NPM2: variants seen among roughly 807,000 people sequenced by gnomAD.
The protein encoded by NPM2 is nucleophosmin/nucleoplasmin 2, also known as nucleoplasmin-2.
In NPM2, 25 loss-of-function variants were observed where a neutral mutation model predicts 32.0. The observed-to-expected ratio is 0.78, with a 90% confidence interval of 0.57 to 1.09. NPM2 has a LOEUF of 1.09. Among genes scored for constraint, NPM2 ranks in the 50% least tolerant of loss-of-function variants. NPM2 has a pLI of 0.00. For synonymous variants in NPM2, 111 were observed against 94.2 expected, an observed-to-expected ratio of 1.18 and a Z score of -1.04; for missense variants, 282 against 259.9, an observed-to-expected ratio of 1.08 and a Z score of -0.58.
rs1800163652 is a variant in NPM2, at chr8:22,024,519, C to T, written c.-245C>T. On this transcript the variant is annotated 5_prime_UTR_variant, in exon 1 of 10. Coordinates refer to ENST00000518119, the MANE Select transcript of NPM2 (RefSeq NM_001286680.2). ...TCCTGGGCCGGCATCATCAGCCTCA[C>T]CTGGGAACTGGTTAGAACTACAAAT... is the stretch of plus-strand genomic sequence containing the variant. 6.6e-6 allele frequency: 1 copy of T among 152,346 alleles called. No homozygotes were observed. The highest frequency in any genetic ancestry group is 2.4e-5 in the African/African-American group (1 of 41,470). The allele number at this position is 152,346 out of a possible 1,614,324, so 9.4% of individuals were successfully genotyped here.
chr8:22,029,714 G>A (rs186255419), intron 5 of NPM2, among the ~76,000 whole-genome samples: 28 of 152,236 alleles, frequency 1.8e-4, no homozygotes, highest in Non-Finnish European at 3.4e-4. Context: ...TCATGATTTT[G>A]CCCTCATTCC....
In NPM2 at chr8:22,029,939, A is replaced by AT. The variant is rs781577026; in HGVS notation, c.271-3183dup. ...CCATGATGTGTTCAGGTGTAGATTT[A>AT]TTTTTTTTGTCTGTTCAGGACTTAG... is the stretch of plus-strand genomic sequence containing the variant. On this transcript the variant is annotated intron_variant, in intron 5 of 9. Transcript: ENST00000518119. 1.2e-3 allele frequency among the ~76,000 whole-genome samples: 174 copies of AT among 150,574 alleles called. 3 individuals carry two copies. Among genetic ancestry groups the AT allele is most frequent in the South Asian group, 1.1e-3 (5 of 4,736 alleles).
At chr8:22,029,719 C>A (rs951985603) in intron 5 of NPM2, among the ~76,000 whole-genome samples, 14 of 152,172 alleles carry the variant, frequency 9.2e-5, no homozygotes, top group African/African-American at 3.1e-4. Context: ...ATTTTGCCCT[C>A]ATTCCTTCAT....
Position 22,026,454 on chromosome 8 carries a change from C to CTTTTTTTTTTTT in NPM2, c.270+689_270+700dup, listed in dbSNP as rs1171179196. On this transcript the variant is annotated intron_variant, in intron 5 of 9. Transcript: ENST00000518119. ...AATTGTGAATAATGGCAGTTCTTGC[C>CTTTTTTTTTTTT]TTTTTTTTTTTTTTTTTTGAGATGG... Among the ~76,000 whole-genome samples the CTTTTTTTTTTTT allele has an allele frequency of 2.4e-4, 27 of 111,392 alleles. 1 individual carries two copies. Among genetic ancestry groups the CTTTTTTTTTTTT allele is most frequent in the East Asian group, 5.8e-4 (2 of 3,466 alleles). 73.1% of individuals were successfully genotyped at this position (111,392 alleles called of 152,430 possible).
At position 22,036,787 on chromosome 8, in the gene NPM2, AGGGG is replaced by A; in HGVS notation, c.*106_*109del. On this transcript the variant is annotated 3_prime_UTR_variant, in exon 10 of 10. Transcript: ENST00000518119. ...CCCTCCACCTGTGTCTGAATGCAAC[AGGGG>A]TGTTGCGGGGGCAACATGAGAGCCC... 1.7e-6 allele frequency: 2 copies of A among 1,208,784 alleles called. No individual in the cohort carries two copies. The highest frequency in any genetic ancestry group is 2.3e-6 in the Non-Finnish European group (2 of 885,382). 74.9% of individuals were successfully genotyped at this position (1,208,784 alleles called of 1,614,324 possible).
At position 22,036,880 on chromosome 8, in the gene NPM2, A is replaced by G; in HGVS notation, c.*198A>G. On this transcript the variant is annotated 3_prime_UTR_variant, in exon 10 of 10. Coordinates refer to ENST00000518119, the MANE Select transcript of NPM2 (RefSeq NM_001286680.2). ...AAGAGCCCCACCTCGGGGTCACAAT[A>G]AAGTTGCCTGGTCAGGACTTTCCTT... 1.7e-6 allele frequency: 1 copy of G among 577,416 alleles called. No individual in the cohort carries two copies. The highest frequency in any genetic ancestry group is 3.0e-6 in the Non-Finnish European group (1 of 335,730). 35.8% of individuals were successfully genotyped at this position (577,416 alleles called of 1,614,324 possible).
At chr8:22,031,366 C>A (rs1800433562) in intron 5 of NPM2, among the ~76,000 whole-genome samples, 1 of 152,224 alleles carries the variant, frequency 6.6e-6, no homozygotes, top group South Asian at 2.1e-4. Context: ...GGGTCCTACC[C>A]TCCCCATGGT....
At chr8:22,032,617 G>A (rs1016210149) in intron 5 of NPM2, among the ~76,000 whole-genome samples, 1 of 152,280 alleles carries the variant, frequency 6.6e-6, no homozygotes, top group African/African-American at 2.4e-5. Flanking sequence ...AGATCAGGGG[G>A]CCGGCATGGT....
chr8:22,030,968 G>A (rs1170844917), intron 5 of NPM2, among the ~76,000 whole-genome samples: 1 of 152,310 alleles, frequency 6.6e-6, no homozygotes, highest in East Asian at 1.9e-4. Flanking sequence ...TTTATACGGT[G>A]AGCTCATCTT....
intron 5 of NPM2, among the ~76,000 whole-genome samples, chr8:22,027,967 C>T (rs1167474185): frequency 6.6e-6 from 1 of 152,130 alleles, no homozygotes; most frequent in East Asian, 1.9e-4. Context: ...TCTCTGCCCC[C>T]ATCTTATACC....
At position 22,034,574 on chromosome 8, in the gene NPM2, A is replaced by G. The variant is rs770218874; in HGVS notation, c.566+30A>G. ...CTCTTTCTACCTATTAAATTAGCCA[A>G]AGTCTCCAGCTGAGATATACAGTGT... On this transcript the variant is annotated intron_variant, in intron 8 of 9. Transcript: ENST00000518119. 3.2e-6 allele frequency: 5 copies of G among 1,567,196 alleles called. No homozygotes were observed. In the East Asian group the frequency reaches 9.0e-5, roughly 28 times the overall value.
intron 8 of NPM2, 37 bp downstream of exon 8, chr8:22,034,581 C>T: frequency 6.5e-7 from 1 of 1,527,272 alleles, no homozygotes; most frequent in Non-Finnish European, 9.1e-7. Flanking sequence ...CCAAAGTCTC[C>T]AGCTGAGATA....
Position 22,034,506 on chromosome 8 carries a change from C to T in NPM2, c.532-4C>T. ...CTCATAATACACTGTTTTTTGGTTC[C>T]CAGAAAAAAAAGCTGGAAAAAGAAG... On this transcript the variant is annotated splice_region_variant and splice_polypyrimidine_tract_variant and intron_variant, in intron 7 of 9. Transcript: ENST00000518119. 1.2e-6 allele frequency: 2 copies of T among 1,608,366 alleles called. No individual in the cohort carries two copies. The highest frequency in any genetic ancestry group is 1.7e-6 in the Non-Finnish European group (2 of 1,177,180).
chr8:22,032,573 C>T (rs1013327085), intron 5 of NPM2, among the ~76,000 whole-genome samples: 2 of 152,142 alleles, frequency 1.3e-5, no homozygotes, highest in South Asian at 2.1e-4. Flanking sequence ...TAGCAACAGA[C>T]GTTTTCTCAC....
intron 2 of NPM2, 151 bp downstream of exon 2, chr8:22,024,981 C>A: frequency 2.1e-6 from 1 of 483,488 alleles, no homozygotes; most frequent in Non-Finnish European, 3.6e-6. Flanking sequence ...GTGGACAGCT[C>A]CCTCTCCCGT....
chr8:22,032,625 G>A (rs772634469), intron 5 of NPM2, among the ~76,000 whole-genome samples: 3 of 152,196 alleles, frequency 2.0e-5, no homozygotes, highest in Non-Finnish European at 2.9e-5. Context: ...GGGCCGGCAT[G>A]GTTGGGTTCT....
chr8:22,030,098 GT>G (rs1049858142), intron 5 of NPM2, among the ~76,000 whole-genome samples: 1 of 152,018 alleles, frequency 6.6e-6, no homozygotes, highest in East Asian at 1.9e-4. Flanking sequence ...TTCTCACTCT[GT>G]CCCCCGTGTT....
chr8:22,025,823 C>G (rs777315697), intron 5 of NPM2, 51 bp downstream of exon 5: 1 of 1,611,208 alleles, frequency 6.2e-7, no homozygotes, highest in South Asian at 1.1e-5. Flanking sequence ...CACCCTCACC[C>G]TTGGGTGGGG....
chr8:22,036,154 C>A (rs1435938746), intron 8 of NPM2, among the ~76,000 whole-genome samples: 3 of 152,010 alleles, frequency 2.0e-5, no homozygotes, highest in Non-Finnish European at 2.9e-5. Context: ...GAGGCTGAGG[C>A]AGGAGGATCA....
Sources: gnomAD v4.1 joint callset for allele counts (sites outside exome capture counted in the v4.1 genomes callset) on GRCh38, gnomAD v4.1.1 for gene constraint, MANE v1.5 for transcripts, NCBI Gene and HGNC (gene_info 2026-07-23, HGNC 2026-07-21) for gene names.